The following CTTNBP2 variants were observed in gnomAD, a reference collection of about 807,000 sequenced individuals.
CTTNBP2 encodes cortactin-binding protein 2.
Under a neutral mutation model 156.9 loss-of-function variants are expected in CTTNBP2, and 108 were observed. The ratio of observed to expected loss-of-function variants is 0.69; its 90% CI spans 0.59 to 0.81. The LOEUF (loss-of-function observed/expected upper bound fraction) is 0.81, where lower values mean the gene tolerates loss of function less well. CTTNBP2 is among the 30% of genes least tolerant of loss of function. The pLI is 0.00. For synonymous variants in CTTNBP2, 767 were observed against 751.8 expected (o/e 1.02, Z -0.33); for missense variants, 1,924 against 2,035.4 (o/e 0.95, Z 1.05).
At chr7:117,716,031 G>GGA (rs1794338122) in intron 22 of CTTNBP2, 1 of 151,938 alleles carries the variant, frequency 6.6e-6, no homozygotes, top group African/African-American at 2.4e-5. Context: ...TAGCTCTTGG[G>GGA]GAAGAGTCCC....
At chr7:117,814,286 T>C (rs985951018) in intron 2 of CTTNBP2, among the ~76,000 whole-genome samples, 12 of 151,824 alleles carry the variant, frequency 7.9e-5, no homozygotes, top group African/African-American at 2.9e-4. Context: ...GTTTTTTACA[T>C]GTGTATTTTT....
At chr7:117,831,670 G>A (rs1422639340) in intron 2 of CTTNBP2, among the ~76,000 whole-genome samples, 1 of 115,192 alleles carries the variant, frequency 8.7e-6, no homozygotes, top group African/African-American at 2.8e-5. Flanking sequence ...CAGTTTCAAT[G>A]GATCATGTTG....
chr7:117,788,377 CTTAG>C (rs1798816123), intron 4 of CTTNBP2, among the ~76,000 whole-genome samples: 1 of 152,192 alleles, frequency 6.6e-6, no homozygotes, highest in South Asian at 2.1e-4. Context: ...CCTTACTATA[CTTAG>C]TTCAGTGCTT....
chr7:117,854,271 G>C (rs1803114849), intron 2 of CTTNBP2, among the ~76,000 whole-genome samples: 1 of 152,084 alleles, frequency 6.6e-6, no homozygotes, highest in Admixed American at 6.6e-5. Flanking sequence ...GCACAAAAAG[G>C]GTATGTTTTG....
chr7:117,777,355 C>A (rs1798157678), intron 8 of CTTNBP2, among the ~76,000 whole-genome samples, 156 bp downstream of exon 8: 2 of 152,170 alleles, frequency 1.3e-5, no homozygotes, highest in African/African-American at 4.8e-5. Flanking sequence ...GTAACTACTA[C>A]ATAGGAATAA....
chr7:117,862,894 G>C (rs1803864334), intron 1 of CTTNBP2, among the ~76,000 whole-genome samples: 1 of 152,158 alleles, frequency 6.6e-6, no homozygotes, highest in African/African-American at 2.4e-5. Context: ...GTAAAATCAG[G>C]ATATATGATC....
At chr7:117,721,571 T>C (rs1162090595) in intron 19 of CTTNBP2, among the ~76,000 whole-genome samples, 4 of 152,258 alleles carry the variant, frequency 2.6e-5, no homozygotes, top group African/African-American at 9.6e-5. Context: ...TAATCAAGTA[T>C]AGTTTTTGAT....
intron 3 of CTTNBP2, among the ~76,000 whole-genome samples, chr7:117,799,373 G>A (rs1474780325): frequency 1.3e-5 from 2 of 151,658 alleles, no homozygotes; most frequent in Non-Finnish European, 2.9e-5. Flanking sequence ...ATCAATCTGT[G>A]TAACTCAATA....
intron 16 of CTTNBP2, among the ~76,000 whole-genome samples, chr7:117,733,062 G>A (rs1795493562): frequency 6.6e-6 from 1 of 152,118 alleles, no homozygotes; most frequent in African/African-American, 2.4e-5. Flanking sequence ...GCCTAGTATT[G>A]TCCTGAAAGG....
chr7:117,762,246 G>A (rs549364643), intron 9 of CTTNBP2, among the ~76,000 whole-genome samples: 5 of 152,184 alleles, frequency 3.3e-5, no homozygotes, highest in African/African-American at 9.6e-5. Flanking sequence ...GCTCTCACTC[G>A]TCTCAGGAAT....
At chr7:117,870,486 T>C (rs1339599364) in intron 1 of CTTNBP2, among the ~76,000 whole-genome samples, 5 of 152,354 alleles carry the variant, frequency 3.3e-5, no homozygotes, top group African/African-American at 1.2e-4. Flanking sequence ...TTTTAAATCA[T>C]TGTCCAAGTT....
At chr7:117,772,069 A>G (rs1482341669) in intron 8 of CTTNBP2, among the ~76,000 whole-genome samples, 1 of 152,172 alleles carries the variant, frequency 6.6e-6, no homozygotes, top group African/African-American at 2.4e-5. Flanking sequence ...TCAGGAAGGG[A>G]CTTGACCGTC....
In CTTNBP2 at chr7:117,792,613, C is replaced by T. The variant is rs769208688; in HGVS notation, c.583G>A (p.Val195Ile). The T allele has an allele frequency of 6.2e-6, 10 of 1,614,140 alleles. No individual in the cohort carries two copies. The highest frequency in any genetic ancestry group is 7.6e-6 in the Non-Finnish European group (9 of 1,180,030). Reference sequence around the variant, plus strand: ...TTTTCCTCTTCCAGTTTGGCCATTACGTCTTCGAGCTTCTGGGCCTCCTCT... The same window carrying T: ...TTTTCCTCTTCCAGTTTGGCCATTATGTCTTCGAGCTTCTGGGCCTCCTCT... Reference protein sequence around the residue: ...VIEEAQKLEDVMAKLEEEKKK... With the variant: ...VIEEAQKLEDIMAKLEEEKKK... Residue 195 changes from valine to isoleucine, a missense_variant, in exon 4 of 23, where the codon GTA becomes ATA. Transcript: ENST00000160373. This position sits in a 1 kb window ranked among gnomAD's most constrained non-coding sequence, Gnocchi z 4.2.
chr7:117,741,810 C>G (rs778937719), intron 14 of CTTNBP2, among the ~76,000 whole-genome samples: 1 of 152,354 alleles, frequency 6.6e-6, no homozygotes, highest in East Asian at 1.9e-4. Context: ...TCTACCTCGA[C>G]TCTAAGCAAG....
At chr7:117,872,617 G>C (rs1429817807) in intron 1 of CTTNBP2, among the ~76,000 whole-genome samples, 1 of 152,184 alleles carries the variant, frequency 6.6e-6, no homozygotes, top group Admixed American at 6.5e-5. Flanking sequence ...TCCAGAGAAG[G>C]AGAACAATGT....
intron 1 of CTTNBP2, among the ~76,000 whole-genome samples, chr7:117,868,214 A>T (rs1024655333): frequency 6.6e-6 from 1 of 152,226 alleles, no homozygotes; most frequent in Non-Finnish European, 1.5e-5. Context: ...ATCCTTTAAG[A>T]AGCTTACAAT....
intron 2 of CTTNBP2, among the ~76,000 whole-genome samples, chr7:117,813,729 C>G (rs1265838251): frequency 6.6e-6 from 1 of 152,106 alleles, no homozygotes; most frequent in Admixed American, 6.6e-5. Context: ...AACCTATTGT[C>G]ATTCAAAAGT....
Position 117,784,261 on chromosome 7 carries a change from A to C in CTTNBP2, c.2262T>G (p.Asn754Lys), listed in dbSNP as rs1407485558. The C allele has an allele frequency of 6.2e-7, 1 of 1,607,556 alleles. No individual in the cohort carries two copies. The part of the protein sequence containing the change: ...GHSALYSAAK[N>K]GHTDCVRLLL... ...TCTCGCCATATTTACCTGTATGTCC[A>C]TTCTTAGCAGCAGAATACAAGGCAG... The change falls in exon 5 of 23, where the codon AAT (asparagine) becomes AAG (lysine). Residue 754 changes from asparagine (N) to lysine (K), a missense_variant. Asn to Lys is a moderately conservative substitution (Grantham distance 94, BLOSUM62 0). Transcript: ENST00000160373.
At chr7:117,781,877 A>T (rs1213221839) in intron 6 of CTTNBP2, among the ~76,000 whole-genome samples, 1 of 152,190 alleles carries the variant, frequency 6.6e-6, no homozygotes, top group Non-Finnish European at 1.5e-5. Context: ...TAAAGGTAAA[A>T]AGCACAGCTC....
Sources: allele counts gnomAD v4.1 joint callset (sites outside exome capture counted in the v4.1 genomes callset), GRCh38; gene constraint gnomAD v4.1.1; non-coding constraint Gnocchi (gnomAD v3.1); transcripts MANE v1.5; gene names NCBI Gene and HGNC (gene_info 2026-07-23, HGNC 2026-07-21).